DYDC1: variants seen among roughly 807,000 people sequenced by gnomAD.
DYDC1 encodes DPY30 domain-containing protein 1.
Under a neutral mutation model 27.9 loss-of-function variants are expected in DYDC1, and 21 were observed. The ratio of observed to expected loss-of-function variants is 0.75; its 90% CI spans 0.53 to 1.08. DYDC1 has a LOEUF of 1.08. Among genes scored for constraint, DYDC1 ranks in the 50% least tolerant of loss-of-function variants. The probability of loss-of-function intolerance (pLI) is 0.00; values close to 1 mark genes in which losing one functional copy is unlikely to be tolerated. For missense variants in DYDC1, 202 were observed against 205.9 expected (o/e 0.98, Z 0.12); for synonymous variants, 67 against 65.8 (o/e 1.02, Z -0.09).
chr10:80,347,552 A>T (rs1480249141), intron 3 of DYDC1, among the ~76,000 whole-genome samples: 1 of 152,042 alleles, frequency 6.6e-6, no homozygotes, highest in Non-Finnish European at 1.5e-5. Context: ...CTTTTTCTAC[A>T]TTATGTTTTC....
intron 6 of DYDC1, chr10:80,336,547 G>T (rs1842141773): frequency 1.2e-5 from 2 of 163,694 alleles, no homozygotes; most frequent in Non-Finnish European, 2.5e-5. Context: ...GCTTCATTCA[G>T]CACATATGCC....
chr10:80,351,915 G>C lies in DYDC1; in HGVS notation c.235C>G (p.Leu79Val), dbSNP rs774237123. The C allele has an allele frequency of 1.2e-6, 2 of 1,614,066 alleles. No individual in the cohort carries two copies. Among genetic ancestry groups the C allele is most frequent in the South Asian group, 1.1e-5 (1 of 91,078 alleles). ...EMMERLKAEE[L>V]LLQQQQLALQ... The stretch of plus-strand genomic sequence containing the variant: ...ACTTGCCTCACCTGCTGAAGTAAGA[G>C]CTCCTCTGCTTTGAGCCTCTCCATC... The change falls in exon 3 of 7, where the codon CTC becomes GTC. Residue 79 changes from leucine (L) to valine (V), a missense_variant. Transcript: ENST00000372202.
intron 3 of DYDC1, among the ~76,000 whole-genome samples, chr10:80,346,803 G>A (rs969802774): frequency 1.3e-5 from 2 of 151,894 alleles, no homozygotes; most frequent in East Asian, 1.9e-4. Flanking sequence ...GGCTGGTCAC[G>A]GTGGCTCATG....
intron 3 of DYDC1, among the ~76,000 whole-genome samples, chr10:80,342,784 C>T (rs968206018): frequency 4.6e-5 from 7 of 151,920 alleles, no homozygotes; most frequent in African/African-American, 1.5e-4. Flanking sequence ...AGTTTGAGAC[C>T]AGACTGGCCA....
chr10:80,342,392 T>C (rs766177537), intron 3 of DYDC1, 31 bp from the exon 4 acceptor site: 6 of 1,602,264 alleles, frequency 3.7e-6, no homozygotes, highest in Non-Finnish European at 5.1e-6. Context: ...CATATTACAG[T>C]TAGATTAATT....
At chr10:80,356,627 G>A in intron 1 of DYDC1, 85 bp downstream of exon 1, 1 of 985,402 alleles carries the variant, frequency 1.0e-6, no homozygotes. Context: ...AAGGCCCAAC[G>A]GTCAGAACCG....
At chr10:80,346,707 G>A (rs148035577) in intron 3 of DYDC1, among the ~76,000 whole-genome samples, 2,738 of 151,400 alleles carry the variant, frequency 0.018, 96 homozygotes, top group African/African-American at 0.063. Flanking sequence ...TGATCTGCCC[G>A]CCTCAGCCTC....
chr10:80,340,734 T>G (rs1842292027), intron 4 of DYDC1, among the ~76,000 whole-genome samples: 1 of 152,220 alleles, frequency 6.6e-6, no homozygotes, highest in Non-Finnish European at 1.5e-5. Context: ...CTGTACATAT[T>G]TACGATGTAC....
intron 3 of DYDC1, 138 bp downstream of exon 3, chr10:80,351,763 C>T: frequency 1.3e-6 from 1 of 742,670 alleles, no homozygotes; most frequent in Non-Finnish European, 2.2e-6. Flanking sequence ...AGAAGACACA[C>T]ACATCCATAA....
chr10:80,347,305 T>TTTTTTTTTTTTTTTTTTTTTTTTTTTTG (rs1360993618), intron 3 of DYDC1, among the ~76,000 whole-genome samples: 1 of 105,568 alleles, frequency 9.5e-6, no homozygotes, highest in Non-Finnish European at 1.8e-5. Context: ...TTTTTTTTTT[T>TTTTTTTTTTTTTTTTTTTTTTTTTTTTG]GCTATTGAGT....
chr10:80,338,528 T>A lies in DYDC1; in HGVS notation c.443A>T (p.Asp148Val). 6.2e-7 allele frequency: 1 copy of A among 1,610,914 alleles called. No homozygotes were observed. The highest frequency in any genetic ancestry group is 8.5e-7 in the Non-Finnish European group (1 of 1,178,890). Residue 148 changes from aspartate (D) to valine (V), a missense_variant, in exon 6 of 7, where the codon GAT (aspartate) becomes GTT (valine). Transcript: ENST00000372202. ...DSGKTLAEIS[D>V]RYGAPNLSRV... ...GCTCAAGTTAGGTGCTCCATAACGATCGCTGATTTCAGCTAGTGTTTTGCC... is the reference window on the plus strand; with the variant it reads ...GCTCAAGTTAGGTGCTCCATAACGAACGCTGATTTCAGCTAGTGTTTTGCC...
chr10:80,355,771 T>C (rs1163384869), intron 1 of DYDC1, among the ~76,000 whole-genome samples: 4 of 152,190 alleles, frequency 2.6e-5, no homozygotes, highest in Admixed American at 6.5e-5. Flanking sequence ...TGTGTGTATA[T>C]GTAAACATAG....
At chr10:80,340,464 G>T (rs1436559283) in intron 4 of DYDC1, among the ~76,000 whole-genome samples, 1 of 152,122 alleles carries the variant, frequency 6.6e-6, no homozygotes, top group African/African-American at 2.4e-5. Flanking sequence ...TTCTGGCAGT[G>T]GTCACACAAG....
chr10:80,342,176 A>G, intron 4 of DYDC1, 93 bp downstream of exon 4: 1 of 1,263,638 alleles, frequency 7.9e-7, no homozygotes, highest in Non-Finnish European at 1.1e-6. Context: ...CAGACTACAA[A>G]TCCCATGGTC....
At position 80,351,120 on chromosome 10, in the gene DYDC1, C is replaced by G. The variant is rs948975421; in HGVS notation, c.249+781G>C. 2.6e-5 allele frequency among the ~76,000 whole-genome samples: 4 copies of G among 152,294 alleles called. No homozygotes were observed. The East Asian group carries it at 7.7e-4, about 29-fold the overall frequency. On this transcript the variant is annotated intron_variant, in intron 3 of 6. Coordinates refer to ENST00000372202, the MANE Select transcript of DYDC1 (RefSeq NM_001269053.2). ...CCAAAGCTGTCATTTCTAACTTCAC[C>G]ACTCTGCCCACACCTCCTACCTTAC...
intron 1 of DYDC1, among the ~76,000 whole-genome samples, chr10:80,353,290 A>G (rs1348724677): frequency 6.6e-6 from 1 of 151,908 alleles, no homozygotes; most frequent in Non-Finnish European, 1.5e-5. Flanking sequence ...TGGCCCCAGC[A>G]CACCCTGGGC....
chr10:80,341,358 G>C (rs1328688382), intron 4 of DYDC1, among the ~76,000 whole-genome samples: 10 of 145,216 alleles, frequency 6.9e-5, no homozygotes, highest in African/African-American at 2.3e-4. Context: ...CTCGAGAATT[G>C]CTTGAACCCG....
intron 1 of DYDC1, among the ~76,000 whole-genome samples, chr10:80,355,737 C>T (rs1266845985): frequency 6.6e-6 from 1 of 152,094 alleles, no homozygotes; most frequent in Non-Finnish European, 1.5e-5. Flanking sequence ...GTATTAGCAA[C>T]AGCAGTGGGG....
intron 2 of DYDC1, 159 bp downstream of exon 2, chr10:80,352,296 G>T: frequency 9.1e-7 from 1 of 1,102,620 alleles, no homozygotes; most frequent in Non-Finnish European, 1.2e-6. Context: ...GTCTTCTTTG[G>T]GTAATGTTTT....
Sources: gnomAD v4.1 joint callset for allele counts (sites outside exome capture counted in the v4.1 genomes callset) on GRCh38, gnomAD v4.1.1 for gene constraint, MANE v1.5 for transcripts, NCBI Gene and HGNC (gene_info 2026-07-23, HGNC 2026-07-21) for gene names.